Variants in TTLL7 observed in about 807,000 individuals in gnomAD.
TTLL7 encodes tubulin tyrosine ligase like 7.
A neutral mutation model predicts 120.2 loss-of-function variants in TTLL7; 53 were observed. The observed-to-expected ratio is 0.44, with a 90% confidence interval of 0.35 to 0.55. The LOEUF (loss-of-function observed/expected upper bound fraction) is 0.55. TTLL7 is among the 20% of genes least tolerant of loss of function. The pLI is 0.00. For synonymous variants in TTLL7, 353 were observed against 351.7 expected (o/e 1.00, Z -0.04); for missense variants, 803 against 1,054.7 (o/e 0.76, Z 3.31).
At chr1:83,916,920 T>C (rs1658238816) in intron 14 of TTLL7, among the ~76,000 whole-genome samples, 1 of 151,790 alleles carries the variant, frequency 6.6e-6, no homozygotes, top group Non-Finnish European at 1.5e-5. Flanking sequence ...TGAGACACCA[T>C]CTCTTTAAAA....
intron 20 of TTLL7, among the ~76,000 whole-genome samples, chr1:83,871,797 T>TGAGGCAGGAGAATGGCATGAACCCGG (rs1653429634): frequency 6.8e-6 from 1 of 147,230 alleles, no homozygotes; most frequent in African/African-American, 2.5e-5. Flanking sequence ...CTCCAGAGGC[T>TGAGGCAGGAGAATGGCATGAACCCGG]GAGGCAGGAG....
intron 1 of TTLL7, among the ~76,000 whole-genome samples, chr1:83,952,710 T>C (rs1026458428): frequency 6.6e-6 from 1 of 152,222 alleles, no homozygotes; most frequent in Non-Finnish European, 1.5e-5. Flanking sequence ...GGCATTTATA[T>C]TATACCATTT....
chr1:83,896,870 C>A (rs1452974000), intron 18 of TTLL7, among the ~76,000 whole-genome samples: 1 of 152,034 alleles, frequency 6.6e-6, no homozygotes, highest in African/African-American at 2.4e-5. Context: ...TTGCAGCCCA[C>A]CAACATGACT....
At position 83,927,475 on chromosome 1, in the gene TTLL7, A is replaced by C. The variant is rs575463597; in HGVS notation, c.1142+1661T>G. The stretch of plus-strand genomic sequence containing the variant: ...ATAAGGAAAGGCATTCAGAGTAGAG[A>C]ACAGAATAAATAATCAGTGAGAATG... On this transcript the variant is annotated intron_variant, in intron 10 of 20. Coordinates refer to ENST00000260505, the MANE Select transcript of TTLL7 (RefSeq NM_024686.6). Among the ~76,000 whole-genome samples, 408 of 152,252 alleles carry C rather than the reference A, an allele frequency of 2.7e-3. 4 individuals carry two copies. The South Asian group carries it at 0.043, about 16-fold the overall frequency.
chr1:83,932,430 G>T (rs1316960301), intron 9 of TTLL7, among the ~76,000 whole-genome samples: 1 of 152,126 alleles, frequency 6.6e-6, no homozygotes, highest in African/African-American at 2.4e-5. Context: ...CAAAGGATAA[G>T]TAAAACTTCC....
rs144989015 is a variant in TTLL7, at chr1:83,914,040, T to C, written c.1588-2677A>G. On this transcript the variant is annotated intron_variant, in intron 14 of 20. Coordinates refer to ENST00000260505, the MANE Select transcript of TTLL7 (RefSeq NM_024686.6). ...TCATGCAAGTATTCACTTTTACAGA[T>C]ACTCTAAAATATATTTCTTCCAAAG... Among the ~76,000 whole-genome samples, 176 of 152,308 alleles carry C rather than the reference T, an allele frequency of 1.2e-3. 6 individuals are homozygous for C. The Middle Eastern group carries it at 0.02, about 18-fold the overall frequency.
At chr1:83,938,339 T>C in intron 7 of TTLL7, among the ~76,000 whole-genome samples, 1 of 151,926 alleles carries the variant, frequency 6.6e-6, no homozygotes, top group East Asian at 1.9e-4. Context: ...ATGATCTGAG[T>C]TTGTTCTTGT....
At chr1:83,901,127 ATC>A (rs1656688278) in intron 18 of TTLL7, among the ~76,000 whole-genome samples, 1 of 151,918 alleles carries the variant, frequency 6.6e-6, no homozygotes, top group Non-Finnish European at 1.5e-5. Flanking sequence ...TGCTACACTT[ATC>A]TGTCTTCCTC....
chr1:83,881,061 C>T (rs1328946852), intron 20 of TTLL7, among the ~76,000 whole-genome samples: 2 of 150,754 alleles, frequency 1.3e-5, no homozygotes, highest in African/African-American at 4.9e-5. Context: ...AAACTGGATC[C>T]CTTCCTTACA....
chr1:83,923,210 TATC>T (rs1319703243), intron 10 of TTLL7, among the ~76,000 whole-genome samples: 2 of 139,860 alleles, frequency 1.4e-5, no homozygotes, highest in Non-Finnish European at 3.1e-5. Flanking sequence ...ATGAATATAT[TATC>T]ATACATCCAT....
intron 13 of TTLL7, 142 bp from the exon 14 acceptor site, chr1:83,917,832 T>A: frequency 1.6e-6 from 1 of 625,064 alleles, no homozygotes; most frequent in Non-Finnish European, 2.8e-6. Flanking sequence ...GGAGAAATAT[T>A]AAAGGGTCAC....
intron 6 of TTLL7, 107 bp downstream of exon 6, chr1:83,947,017 G>T: frequency 2.3e-6 from 2 of 866,172 alleles, no homozygotes; most frequent in Non-Finnish European, 3.3e-6. Flanking sequence ...AACCTATTTC[G>T]TTATTTTTTC....
chr1:83,943,286 T>C (rs967866900), intron 6 of TTLL7, among the ~76,000 whole-genome samples: 2 of 152,140 alleles, frequency 1.3e-5, no homozygotes, highest in African/African-American at 4.8e-5. Flanking sequence ...CTTTGAAACT[T>C]TGAAAAGCTC....
At chr1:83,903,691 G>A (rs1472447826) in intron 18 of TTLL7, among the ~76,000 whole-genome samples, 1 of 151,774 alleles carries the variant, frequency 6.6e-6, no homozygotes, top group African/African-American at 2.4e-5. Flanking sequence ...TAATGACAAG[G>A]GAAAAAAAGT....
At chr1:83,883,797 A>C (rs1654730284) in intron 19 of TTLL7, among the ~76,000 whole-genome samples, 1 of 152,030 alleles carries the variant, frequency 6.6e-6, no homozygotes, top group Non-Finnish European at 1.5e-5. Flanking sequence ...TCTCTTCACT[A>C]GGAGAATTTA....
intron 1 of TTLL7, among the ~76,000 whole-genome samples, chr1:83,972,146 C>T (rs1021664518): frequency 6.6e-6 from 1 of 152,040 alleles, no homozygotes; most frequent in Non-Finnish European, 1.5e-5. Flanking sequence ...ATAGGGTTTA[C>T]ATTGGGGTTC....
intron 1 of TTLL7, among the ~76,000 whole-genome samples, chr1:83,968,623 T>G (rs943441910): frequency 6.6e-6 from 1 of 152,074 alleles, no homozygotes; most frequent in African/African-American, 2.4e-5. Context: ...TCTCTTGGTC[T>G]CTTTTAACAT....
intron 12 of TTLL7, 80 bp downstream of exon 12, chr1:83,921,007 G>T: frequency 7.1e-7 from 1 of 1,415,324 alleles, no homozygotes; most frequent in Non-Finnish European, 9.7e-7. Context: ...CTTAAAATAA[G>T]CACACAAGAT....
intron 20 of TTLL7, among the ~76,000 whole-genome samples, chr1:83,876,675 T>C (rs1653955565): frequency 6.6e-6 from 1 of 151,974 alleles, no homozygotes; most frequent in South Asian, 2.1e-4. Context: ...AGATATTCTT[T>C]CATGCTTTTG....
Sources: gnomAD v4.1 joint callset for allele counts (sites outside exome capture counted in the v4.1 genomes callset) on GRCh38, gnomAD v4.1.1 for gene constraint, MANE v1.5 for transcripts, NCBI Gene and HGNC (gene_info 2026-07-23, HGNC 2026-07-21) for gene names.